Variants in SDHB observed in about 807,000 individuals in gnomAD.
SDHB encodes succinate dehydrogenase complex iron sulfur subunit B, also known as succinate dehydrogenase [ubiquinone] iron-sulfur subunit, mitochondrial.
Under a neutral mutation model 39.7 loss-of-function variants are expected in SDHB, and 21 were observed. That is an observed-to-expected ratio of 0.53 (90% CI 0.37 to 0.76). The LOEUF is 0.76. SDHB is among the 30% of genes least tolerant of loss of function. The pLI is 0.00. For missense variants in SDHB, 343 were observed against 350.9 expected, an observed-to-expected ratio of 0.98 and a Z score of 0.18; for synonymous variants, 118 against 117.0, an observed-to-expected ratio of 1.01 and a Z score of -0.06.
chr1:17,022,729 G>A lies in SDHB; in HGVS notation c.644C>T (p.Ala215Val), dbSNP rs1060503761. The A allele has an allele frequency of 1.9e-6, 3 of 1,613,264 alleles. No individual in the cohort carries two copies. The highest frequency in any genetic ancestry group is 2.5e-6 in the Non-Finnish European group (3 of 1,179,550). Reference protein sequence around the residue: ...KYLGPAVLMQAYRWMIDSRDD... With the variant: ...KYLGPAVLMQVYRWMIDSRDD... ...TCTGGAGTCAATCATCCAGCGATAGGCCTGGAAAACCAGGGATGATTAGCT... is the reference window on the plus strand; with the variant it reads ...TCTGGAGTCAATCATCCAGCGATAGACCTGGAAAACCAGGGATGATTAGCT... The change falls in exon 7 of 8, where the codon GCC becomes GTC. Residue 215 changes from alanine (A) to valine (V), a missense_variant and splice_region_variant. Ala to Val is a moderately conservative substitution (Grantham distance 64). Coordinates refer to ENST00000375499, the MANE Select transcript of SDHB (RefSeq NM_003000.3).
chr1:17,021,243 A>C (rs1418390850), intron 7 of SDHB, among the ~76,000 whole-genome samples: 4 of 152,244 alleles, frequency 2.6e-5, no homozygotes, highest in Admixed American at 6.5e-5. Flanking sequence ...CTCTGCCCTC[A>C]CAAATGGATT....
intron 2 of SDHB, among the ~76,000 whole-genome samples, chr1:17,036,554 T>C (rs1167338706): frequency 6.6e-6 from 1 of 151,822 alleles, no homozygotes; most frequent in Non-Finnish European, 1.5e-5. Context: ...TTTGATGCTG[T>C]TATATGGAAA....
intron 1 of SDHB, among the ~76,000 whole-genome samples, chr1:17,049,644 G>GTTTTTT (rs1570960889): frequency 2.6e-4 from 12 of 45,920 alleles, no homozygotes; most frequent in South Asian, 8.6e-4. Context: ...TAATCCCCTA[G>GTTTTTT]TTCTTTTTTT....
At chr1:17,048,607 T>C (rs942818083) in intron 1 of SDHB, among the ~76,000 whole-genome samples, 6 of 152,314 alleles carry the variant, frequency 3.9e-5, no homozygotes, top group South Asian at 4.1e-4. Flanking sequence ...CTGAGGCAGA[T>C]AGTAGGGTAA....
intron 1 of SDHB, among the ~76,000 whole-genome samples, chr1:17,048,779 C>T (rs1448964018): frequency 1.3e-5 from 2 of 151,430 alleles, no homozygotes; most frequent in African/African-American, 2.4e-5. Context: ...GGCGCGATCT[C>T]GGCTCACTGC....
At chr1:17,028,867 G>T (rs1431493284) in intron 3 of SDHB, 131 bp from the exon 4 acceptor site, 1 of 1,120,768 alleles carries the variant, frequency 8.9e-7, no homozygotes, top group African/African-American at 1.5e-5. Flanking sequence ...TCTGACAGAG[G>T]TGCCTGTTGG....
chr1:17,041,243 A>C (rs1249995912), intron 2 of SDHB, among the ~76,000 whole-genome samples: 1 of 152,048 alleles, frequency 6.6e-6, no homozygotes, highest in Non-Finnish European at 1.5e-5. Flanking sequence ...CATCCGGTAA[A>C]TTTTCCTTTT....
intron 7 of SDHB, 71 bp downstream of exon 7, chr1:17,022,535 CCT>C (rs1319850035): frequency 1.0e-5 from 16 of 1,596,300 alleles, no homozygotes; most frequent in African/African-American, 1.3e-5. Flanking sequence ...CTGCCAATCA[CCT>C]CTTTGTGAGC....
chr1:17,023,753 G>T lies in SDHB; in HGVS notation c.642+220C>A, dbSNP rs969208902. Reference sequence around the variant, plus strand: ...CAAGGCATGGTTTGCACCCCTTTGGGGTGACCCTCACTGCACTGAAACAAA... The same window carrying T: ...CAAGGCATGGTTTGCACCCCTTTGGTGTGACCCTCACTGCACTGAAACAAA... On this transcript the variant is annotated intron_variant, in intron 6 of 7. Transcript: ENST00000375499. Among the ~76,000 whole-genome samples, 124 of 152,184 alleles carry T rather than the reference G, an allele frequency of 8.1e-4. 1 individual carries two copies. Among genetic ancestry groups the T allele is most frequent in the African/African-American group, 2.9e-3 (121 of 41,424 alleles).
intron 6 of SDHB, among the ~76,000 whole-genome samples, chr1:17,023,440 C>T (rs1177742561): frequency 6.6e-6 from 1 of 152,158 alleles, no homozygotes. Context: ...TTTGAGTTGC[C>T]TAGAGTCTGT....
In SDHB at chr1:17,018,787, T is replaced by C; in HGVS notation, c.*94A>G. 2 of 857,126 alleles carry C rather than the reference T, an allele frequency of 2.3e-6. No individual in the cohort carries two copies. The highest frequency in any genetic ancestry group is 2.8e-5 in the South Asian group (2 of 71,800). 53.1% of individuals were successfully genotyped at this position (857,126 alleles called of 1,614,324 possible). A position where few individuals can be genotyped will look rare whatever the true frequency, so the allele number is the denominator to read the frequency against. On this transcript the variant is annotated 3_prime_UTR_variant, in exon 8 of 8. Coordinates refer to ENST00000375499, the MANE Select transcript of SDHB (RefSeq NM_003000.3). ...AAAATTTTTATTATACATGCTGTAT[T>C]CATGGAAAACCAAGATCTTTAAAGG...
chr1:17,032,229 C>T (rs1382602479), intron 3 of SDHB, among the ~76,000 whole-genome samples: 1 of 148,512 alleles, frequency 6.7e-6, no homozygotes, highest in East Asian at 2.0e-4. Context: ...GAGACTGTCT[C>T]GCTCTATTGC....
intron 3 of SDHB, among the ~76,000 whole-genome samples, chr1:17,029,164 G>A (rs1182735736): frequency 5.8e-5 from 8 of 137,802 alleles, no homozygotes; most frequent in South Asian, 2.5e-4. Context: ...GGAGTGCAGT[G>A]GTGCAATCAC....
chr1:17,044,952 G>T (rs930682566), intron 1 of SDHB, 64 bp from the exon 2 acceptor site: 11 of 1,456,946 alleles, frequency 7.6e-6, no homozygotes, highest in African/African-American at 1.4e-5. Flanking sequence ...ATTCCATTTT[G>T]CTGGCACAAC....
intron 2 of SDHB, among the ~76,000 whole-genome samples, chr1:17,039,400 G>A (rs551864024): frequency 1.6e-4 from 20 of 128,080 alleles, no homozygotes; most frequent in South Asian, 1.3e-3. Context: ...GCAACATAGT[G>A]AGACCCTGTC....
At chr1:17,020,591 G>A (rs2101510431) in intron 7 of SDHB, among the ~76,000 whole-genome samples, 1 of 152,342 alleles carries the variant, frequency 6.6e-6, no homozygotes, top group Middle Eastern at 3.4e-3. Context: ...CAGAGCTTCT[G>A]AAGAAACACA....
rs544313985 is a variant in SDHB at position 17,044,615 on chromosome 1, C to T, written c.200+146G>A. Reference sequence around the variant, plus strand: ...TGCTGGGATTATAGGCGTGAGCCACCGTGCCCGGCCCAAGCTCATTCTTGT... The same window carrying T: ...TGCTGGGATTATAGGCGTGAGCCACTGTGCCCGGCCCAAGCTCATTCTTGT... On this transcript the variant is annotated intron_variant, in intron 2 of 7. Transcript: ENST00000375499. The T allele has an allele frequency of 7.8e-5, 76 of 969,186 alleles. No individual in the cohort carries two copies. The East Asian group carries it at 1.5e-3, about 20-fold the overall frequency. 60.0% of individuals were successfully genotyped at this position (969,186 alleles called of 1,614,324 possible).
rs1553177676 is a variant in SDHB at position 17,027,784 on chromosome 1, G to C, written c.505C>G (p.Gln169Glu). The C allele has an allele frequency of 6.2e-7, 1 of 1,611,592 alleles. No individual in the cohort carries two copies. The highest frequency in any genetic ancestry group is 8.5e-7 in the Non-Finnish European group (1 of 1,177,710). The change falls in exon 5 of 8, where the codon CAG becomes GAG. Residue 169 changes from glutamine (Q) to glutamate (E), a missense_variant. Coordinates refer to ENST00000375499, the MANE Select transcript of SDHB (RefSeq NM_003000.3). ...KKDESQEGKQQYLQSIEEREK... is the reference protein window; with the variant it reads ...KKDESQEGKQEYLQSIEEREK... The stretch of plus-strand genomic sequence containing the variant: ...CGCTCTTCTATGGACTGCAGATACT[G>C]CTGCTTGCCTTCCTGAGATTCATCC...
chr1:17,039,413 T>C (rs1388512593), intron 2 of SDHB, among the ~76,000 whole-genome samples: 4 of 28,114 alleles, frequency 1.4e-4, no homozygotes, highest in African/African-American at 2.5e-4. Context: ...ACCCTGTCTC[T>C]ACAAAAAAAA....
Sources: gnomAD v4.1 joint callset for allele counts (sites outside exome capture counted in the v4.1 genomes callset) on GRCh38, gnomAD v4.1.1 for gene constraint, MANE v1.5 for transcripts, NCBI Gene and HGNC (gene_info 2026-07-23, HGNC 2026-07-21) for gene names.